The following MSI1 variants were observed in gnomAD, a reference collection of about 807,000 sequenced individuals.
MSI1 encodes musashi RNA binding protein 1.
Under a neutral mutation model 54.4 loss-of-function variants are expected in MSI1, and 15 were observed. The observed-to-expected ratio is 0.28, with a 90% CI of 0.18 to 0.42. MSI1 has a LOEUF of 0.42. Among genes scored for constraint, MSI1 ranks in the 20% least tolerant of loss-of-function variants. The pLI is 1.00. For missense variants in MSI1, 304 were observed against 506.0 expected (o/e 0.60, Z 3.83); for synonymous variants, 200 against 196.5 (o/e 1.02, Z -0.15).
At chr12:120,347,943 A>C (rs899556883) in intron 11 of MSI1, among the ~76,000 whole-genome samples, 1 of 152,058 alleles carries the variant, frequency 6.6e-6, no homozygotes, top group South Asian at 2.1e-4. Context: ...AGCCCACGAC[A>C]CCTGGCGATA....
At position 120,367,298 on chromosome 12, in the gene MSI1, T is replaced by C. The variant is rs76323076; in HGVS notation, c.267+710A>G. Among the ~76,000 whole-genome samples, 98 of 152,262 alleles carry C rather than the reference T, an allele frequency of 6.4e-4. No individual in the cohort carries two copies. The East Asian group carries it at 0.016, about 25-fold the overall frequency. ...GAGTAACCCCCTCCTCTGACTTTTC[T>C]ACTTTTCCATCTGCCCTGGAGCCAG... is the stretch of plus-strand genomic sequence containing the variant. On this transcript the variant is annotated intron_variant, in intron 4 of 14. Transcript: ENST00000257552.
intron 11 of MSI1, among the ~76,000 whole-genome samples, chr12:120,351,109 T>C (rs1306643145): frequency 5.9e-5 from 9 of 152,114 alleles, no homozygotes; most frequent in African/African-American, 2.2e-4. Flanking sequence ...ATTTGCCAAA[T>C]GGATGAATGA....
At chr12:120,358,737 A>C (rs547325184) in intron 7 of MSI1, among the ~76,000 whole-genome samples, 1 of 136,228 alleles carries the variant, frequency 7.3e-6, no homozygotes, top group Admixed American at 7.6e-5. Context: ...GCAGAGGCAG[A>C]CACCACTAGG....
At chr12:120,345,224 G>T (rs1179430) in intron 14 of MSI1, among the ~76,000 whole-genome samples, 109,536 of 150,910 alleles carry the variant, frequency 0.73, 39,967 homozygotes, top group South Asian at 0.77. Context: ...CATGGTGGCA[G>T]GTGCTTGCAG....
At chr12:120,353,544 A>C (rs757164890) in intron 9 of MSI1, among the ~76,000 whole-genome samples, 165 bp from the exon 10 acceptor site, 1 of 152,212 alleles carries the variant, frequency 6.6e-6, no homozygotes, top group Non-Finnish European at 1.5e-5. Context: ...AGCACACTGC[A>C]CACTATTATC....
chr12:120,359,649 T>A (rs1316176537), intron 6 of MSI1, among the ~76,000 whole-genome samples: 1 of 152,142 alleles, frequency 6.6e-6, no homozygotes, highest in African/African-American at 2.4e-5. Flanking sequence ...AGGGGGAGGA[T>A]CTACATCATC....
chr12:120,350,370 C>G (rs1262287095), intron 11 of MSI1, among the ~76,000 whole-genome samples: 1 of 152,150 alleles, frequency 6.6e-6, no homozygotes, highest in East Asian at 1.9e-4. Context: ...TTCCAGCCCT[C>G]CACCCTGACA....
Position 120,359,067 on chromosome 12 carries a change from C to G in MSI1, c.403-14G>C. 1.3e-6 allele frequency: 2 copies of G among 1,553,758 alleles called. No individual in the cohort carries two copies. The highest frequency in any genetic ancestry group is 2.4e-5 in the East Asian group (1 of 41,292). On this transcript the variant is annotated splice_polypyrimidine_tract_variant and intron_variant, in intron 6 of 14. Transcript: ENST00000257552. ...GGCGTCGTCCACCTGAAACACAGCC[C>G]GCCATGGAGGACCCAGCAGATACCA... is the stretch of plus-strand genomic sequence containing the variant.
In MSI1 at chr12:120,357,013, A is replaced by T; in HGVS notation, c.541T>A (p.Cys181Ser). 6.2e-7 allele frequency: 1 copy of T among 1,614,186 alleles called. No homozygotes were observed. The highest frequency in any genetic ancestry group is 8.5e-7 in the Non-Finnish European group (1 of 1,179,988). Reference sequence around the variant, plus strand: ...ACCTCCTTTGGCTGAGCTTTCTTACATTCCACCTGCAATGAGACCTGGCGG... The same window carrying T: ...ACCTCCTTTGGCTGAGCTTTCTTACTTTCCACCTGCAATGAGACCTGGCGG... The part of the protein sequence containing the change: ...FHEINNKMVE[C>S]KKAQPKEVMS... Residue 181 changes from cysteine (C) to serine (S), a missense_variant, in exon 9 of 15, where the codon TGT (cysteine) becomes AGT (serine). Around this residue, in one of 4 missense-constraint regions of MSI1, gnomAD observed 105 missense variants for 230.1 expected, o/e 0.46. Coordinates refer to ENST00000257552, the MANE Select transcript of MSI1 (RefSeq NM_002442.4).
In MSI1 at chr12:120,351,362, C is replaced by A. The variant is rs1874581486; in HGVS notation, c.772G>T (p.Val258Phe). 1 of 1,611,722 alleles carries A rather than the reference C, an allele frequency of 6.2e-7. No homozygotes were observed. Among genetic ancestry groups the A allele is most frequent in the African/African-American group, 1.3e-5 (1 of 74,238 alleles). ...GACTGACCTGTAAGCTCGGGGAGGA[C>A]TGGGGCGCTCGGGAGAGGGGTCCGC... The part of the protein sequence containing the change: ...VERTPLPSAP[V>F]LPELTAIPLT... The change falls in exon 11 of 15, where the codon GTC (valine) becomes TTC (phenylalanine). Residue 258 changes from valine to phenylalanine, a missense_variant. Val to Phe is a conservative substitution (Grantham distance 50). Around this residue, in one of 4 missense-constraint regions of MSI1, gnomAD observed 147 missense variants for 231.5 expected, o/e 0.64. Coordinates refer to ENST00000257552, the MANE Select transcript of MSI1 (RefSeq NM_002442.4).
chr12:120,358,101 T>C lies in MSI1; in HGVS notation c.452-203A>G, dbSNP rs76758252. ...AGAATACAGATGAGGAAAATAAGGT[T>C]CAGGTAAGTGAAGTAACTTGCCCAA... On this transcript the variant is annotated intron_variant, in intron 7 of 14. Coordinates refer to ENST00000257552, the MANE Select transcript of MSI1 (RefSeq NM_002442.4). Among the ~76,000 whole-genome samples, 7 of 152,272 alleles carry C rather than the reference T, an allele frequency of 4.6e-5. No individual in the cohort carries two copies. The East Asian group carries it at 1.4e-3, about 29-fold the overall frequency.
At position 120,346,122 on chromosome 12, in the gene MSI1, C is replaced by T; in HGVS notation, c.1047+13G>A. On this transcript the variant is annotated intron_variant, in intron 13 of 14. Transcript: ENST00000257552. ...GGGGGGTGAGGTGGGGGCCGCTAGG[C>T]CTGGCCACTCACCCCAAGACTGTGG... is the stretch of plus-strand genomic sequence containing the variant. The T allele has an allele frequency of 6.5e-7, 1 of 1,527,742 alleles. No homozygotes were observed. Among genetic ancestry groups the T allele is most frequent in the South Asian group, 1.2e-5 (1 of 82,306 alleles). 94.6% of individuals were successfully genotyped at this position (1,527,742 alleles called of 1,614,324 possible).
At chr12:120,359,708 C>G (rs1875468867) in intron 6 of MSI1, among the ~76,000 whole-genome samples, 1 of 152,090 alleles carries the variant, frequency 6.6e-6, no homozygotes, top group Admixed American at 6.5e-5. Context: ...TCTAGGTACC[C>G]CTTGGATATA....
rs1358680278 is a variant in MSI1 at position 120,367,015 on chromosome 12, A to T, written c.267+993T>A. On this transcript the variant is annotated intron_variant, in intron 4 of 14. Transcript: ENST00000257552. ...GGCTGCGCCAAGAAGATCCTTTCAG[A>T]GCCGGCAAAGTTGAGGCCTGGCCTC... 1.3e-5 allele frequency among the ~76,000 whole-genome samples: 2 copies of T among 152,158 alleles called. 1 individual carries two copies.
intron 7 of MSI1, 117 bp downstream of exon 7, chr12:120,358,888 G>T: frequency 8.3e-7 from 1 of 1,205,200 alleles, no homozygotes; most frequent in Non-Finnish European, 1.2e-6. Flanking sequence ...GCCTGGGAGA[G>T]GACGCAGATC....
At chr12:120,346,656 C>T (rs895134551) in intron 12 of MSI1, among the ~76,000 whole-genome samples, 10 of 152,170 alleles carry the variant, frequency 6.6e-5, no homozygotes, top group African/African-American at 2.2e-4. Flanking sequence ...CTCCTGCCTC[C>T]GTTCTCCACT....
chr12:120,350,869 G>A (rs1169611510), intron 11 of MSI1, among the ~76,000 whole-genome samples: 3 of 152,188 alleles, frequency 2.0e-5, no homozygotes, highest in South Asian at 2.1e-4. Flanking sequence ...AAATTCATAC[G>A]AAAGCAAAAG....
chr12:120,349,525 C>A (rs990547892), intron 11 of MSI1, among the ~76,000 whole-genome samples: 1 of 152,226 alleles, frequency 6.6e-6, no homozygotes, highest in Non-Finnish European at 1.5e-5. Context: ...TGAGCCACCA[C>A]CCCCGGCCTG....
intron 11 of MSI1, 49 bp from the exon 12 acceptor site, chr12:120,347,563 T>TGGGTGAA: frequency 6.2e-7 from 1 of 1,610,330 alleles, no homozygotes; most frequent in East Asian, 2.2e-5. Flanking sequence ...GGGGCAGAGA[T>TGGGTGAA]GGGTGAAGGA....
Sources: gnomAD v4.1 joint callset for allele counts (sites outside exome capture counted in the v4.1 genomes callset) on GRCh38, gnomAD v4.1.1 for gene constraint, gnomAD v4.1.1 regional missense constraint, MANE v1.5 for transcripts, NCBI Gene and HGNC (gene_info 2026-07-23, HGNC 2026-07-21) for gene names.